Variants in RBFOX1 observed in about 807,000 individuals in gnomAD.
RBFOX1 encodes RNA binding fox-1 homolog 1.
RBFOX1 carries 8 observed loss-of-function variants against 57.7 expected under a neutral mutation model. The observed-to-expected ratio is 0.14, with a 90% CI of 0.08 to 0.25. The LOEUF (loss-of-function observed/expected upper bound fraction) is 0.25. Among genes scored for constraint, RBFOX1 ranks in the 10% least tolerant of loss-of-function variants. The pLI is 1.00. For missense variants in RBFOX1, 611 were observed against 548.5 expected (o/e 1.11, Z -1.14); for synonymous variants, 326 against 222.4 (o/e 1.47, Z -4.15).
intron 4 of RBFOX1, among the ~76,000 whole-genome samples, chr16:7,098,162 GTT>G (rs916872027): frequency 6.6e-6 from 1 of 151,900 alleles, no homozygotes; most frequent in African/African-American, 2.4e-5. Flanking sequence ...GGGACAAAAA[GTT>G]TTTTATTTTT....
At chr16:7,688,066 C>T (rs1322660268) in intron 14 of RBFOX1, among the ~76,000 whole-genome samples, 4 of 151,928 alleles carry the variant, frequency 2.6e-5, no homozygotes, top group African/African-American at 4.8e-5. Context: ...GGCTAAAAAC[C>T]TCTGCCTTAT....
At chr16:7,146,309 C>G (rs920911105) in intron 4 of RBFOX1, among the ~76,000 whole-genome samples, 4 of 152,186 alleles carry the variant, frequency 2.6e-5, no homozygotes, top group Non-Finnish European at 5.9e-5. Flanking sequence ...TGCTTGCTTG[C>G]AATATATGTT....
intron 1 of RBFOX1, among the ~76,000 whole-genome samples, chr16:6,065,226 G>A (rs1163760686): frequency 1.3e-5 from 2 of 148,416 alleles, no homozygotes; most frequent in Non-Finnish European, 3.0e-5. Context: ...GTAGAGACAG[G>A]ATCTTGCTGT....
At chr16:6,323,578 A>G (rs2082044806) in intron 2 of RBFOX1, among the ~76,000 whole-genome samples, 1 of 152,184 alleles carries the variant, frequency 6.6e-6, no homozygotes, top group Admixed American at 6.5e-5. Context: ...GTCATCCATG[A>G]CTGCCGGTGG....
chr16:5,926,535 C>T (rs1342248110), intron 4 of RBFOX1, among the ~76,000 whole-genome samples: 1 of 152,206 alleles, frequency 6.6e-6, no homozygotes, highest in Non-Finnish European at 1.5e-5. Flanking sequence ...TGACTGTAGC[C>T]CACTGACAGA....
intron 3 of RBFOX1, among the ~76,000 whole-genome samples, chr16:6,906,898 A>AT (rs1171630348): frequency 5.9e-5 from 9 of 151,718 alleles, no homozygotes; most frequent in African/African-American, 1.9e-4. Flanking sequence ...AATTTTTTGT[A>AT]TTTTTAGTAG....
chr16:7,399,237 C>T (rs76469818), intron 4 of RBFOX1, among the ~76,000 whole-genome samples: 2,178 of 152,290 alleles, frequency 0.014, 59 homozygotes, highest in African/African-American at 0.05. Flanking sequence ...TACCTGAGGT[C>T]AGTAGTTTGA....
chr16:5,684,319 G>T (rs1567393831), intron 3 of RBFOX1, among the ~76,000 whole-genome samples: 1 of 152,118 alleles, frequency 6.6e-6, no homozygotes, highest in Non-Finnish European at 1.5e-5. Flanking sequence ...TATGAGTTCT[G>T]TCCCTGTAAG....
chr16:7,701,133 A>T (rs1031353863), intron 14 of RBFOX1, among the ~76,000 whole-genome samples: 6 of 150,600 alleles, frequency 4.0e-5, no homozygotes, highest in African/African-American at 1.5e-4. Flanking sequence ...TTTAAAGACA[A>T]GCTAAGGAAG....
At chr16:5,776,746 C>T (rs1258055199) in intron 3 of RBFOX1, among the ~76,000 whole-genome samples, 1 of 152,176 alleles carries the variant, frequency 6.6e-6, no homozygotes, top group Non-Finnish European at 1.5e-5. Flanking sequence ...CAGTGATGAA[C>T]ACCTTATGTT....
intron 3 of RBFOX1, among the ~76,000 whole-genome samples, chr16:6,913,173 C>T (rs1466030582): frequency 1.3e-5 from 2 of 151,960 alleles, no homozygotes; most frequent in African/African-American, 2.4e-5. Flanking sequence ...TTTGTTTTTC[C>T]TGTGGGTTAC....
At chr16:7,197,682 C>T (rs1332164324) in intron 4 of RBFOX1, among the ~76,000 whole-genome samples, 3 of 152,162 alleles carry the variant, frequency 2.0e-5, no homozygotes, top group Non-Finnish European at 4.4e-5. Flanking sequence ...CTCAACTGTC[C>T]ATCACCAGGT....
intron 2 of RBFOX1, among the ~76,000 whole-genome samples, chr16:6,622,380 A>G (rs1014835700): frequency 6.6e-6 from 1 of 152,150 alleles, no homozygotes; most frequent in Non-Finnish European, 1.5e-5. Flanking sequence ...TTAGATACGT[A>G]GTACTTACCT....
chr16:7,498,665 G>C (rs866500041), intron 4 of RBFOX1, among the ~76,000 whole-genome samples: 5 of 152,006 alleles, frequency 3.3e-5, no homozygotes, highest in Admixed American at 6.6e-5. Flanking sequence ...CTGAAATCTG[G>C]CGTGCAGTTG....
chr16:5,711,225 T>C (rs923267482), intron 3 of RBFOX1, among the ~76,000 whole-genome samples: 6 of 152,226 alleles, frequency 3.9e-5, no homozygotes, highest in African/African-American at 1.4e-4. Flanking sequence ...TAATAGTAAC[T>C]CATTTAATCT....
At chr16:7,046,109 G>GA (rs59946423) in intron 3 of RBFOX1, among the ~76,000 whole-genome samples, 19,114 of 152,078 alleles carry the variant, frequency 0.13, 2,082 homozygotes, top group East Asian at 0.29. Context: ...GAAAACTACA[G>GA]AAAGCATTAA....
intron 11 of RBFOX1, among the ~76,000 whole-genome samples, chr16:7,632,660 C>G (rs762006913): frequency 6.6e-6 from 1 of 152,180 alleles, no homozygotes; most frequent in African/African-American, 2.4e-5. Flanking sequence ...TGTGCCAAAA[C>G]TTACCATAGG....
intron 3 of RBFOX1, among the ~76,000 whole-genome samples, chr16:7,038,173 C>T (rs1294410137): frequency 6.7e-6 from 1 of 150,120 alleles, no homozygotes; most frequent in African/African-American, 2.4e-5. Context: ...ACAGAGTTTC[C>T]TGGCTATAGG....
intron 3 of RBFOX1, among the ~76,000 whole-genome samples, chr16:6,666,894 C>T (rs560451811): frequency 6.6e-6 from 1 of 152,300 alleles, no homozygotes; most frequent in Admixed American, 6.5e-5. Context: ...GTCTGCTCCA[C>T]AGAACCATCA....
Sources: allele counts gnomAD v4.1 joint callset (sites outside exome capture counted in the v4.1 genomes callset), GRCh38; gene constraint gnomAD v4.1.1; transcripts MANE v1.5; gene names NCBI Gene and HGNC (gene_info 2026-07-23, HGNC 2026-07-21).